The following TLCD1 variants were observed in gnomAD, a reference collection of about 807,000 sequenced individuals.
TLCD1 encodes TLC domain-containing protein 1.
A neutral mutation model predicts 21.2 loss-of-function variants in TLCD1; 21 were observed. That is an observed-to-expected ratio of 0.99 (90% CI 0.70 to 1.42). TLCD1 has a LOEUF of 1.42. Ranked by LOEUF, TLCD1 falls within the 40% of genes most tolerant of loss-of-function variation. The pLI is 0.00. For synonymous variants in TLCD1, 168 were observed against 134.8 expected, an observed-to-expected ratio of 1.25 and a Z score of -1.71; for missense variants, 344 against 330.3, an observed-to-expected ratio of 1.04 and a Z score of -0.32.
chr17:28,726,980 G>A (rs1164650702), upstream of TLCD1: 7 of 660,892 alleles, frequency 1.1e-5, no homozygotes, highest in African/African-American at 1.3e-4. Context: ...GCTTGCAGCA[G>A]TTGCGGCTCC....
chr17:28,724,588 A>G lies in TLCD1; in HGVS notation c.666T>C (p.Phe222=), dbSNP rs140701178. ...LMLDVMIIIY[F]SRLLRSDFCP... is the part of the protein sequence containing the mutation. ...AGAAGTCAGAGCGGAGGAGGCGGGA[A>G]AAGTAGATTATGATCATCACGTCCA... Residue 222 remains phenylalanine (F), a synonymous_variant, in exon 4 of 4, where the codon TTT becomes TTC. Transcript: ENST00000292090. The G allele has an allele frequency of 3.7e-6, 6 of 1,614,126 alleles. No homozygotes were observed. The African/African-American group carries it at 8.0e-5, about 22-fold the overall frequency.
Position 28,724,417 on chromosome 17 carries a change from TCA to T in TLCD1, c.*91_*92del. On this transcript the variant is annotated 3_prime_UTR_variant, in exon 4 of 4. Transcript: ENST00000292090. ...GGCTCAGAAGGTGGAGAGGCTGGCC[TCA>T]GAGGACACCCAGGCTTGGGGCTAAG... 6.7e-7 allele frequency: 1 copy of T among 1,499,090 alleles called. No homozygotes were observed. 92.9% of individuals were successfully genotyped at this position (1,499,090 alleles called of 1,614,324 possible). A position where few individuals can be genotyped will look rare whatever the true frequency, so the allele number is the denominator to read the frequency against.
intron 3 of TLCD1, 91 bp downstream of exon 3, chr17:28,725,213 A>C: frequency 6.8e-7 from 1 of 1,464,548 alleles, no homozygotes; most frequent in Non-Finnish European, 9.5e-7. Context: ...GGGTGGTAAG[A>C]AAACACGGCC....
At position 28,724,744 on chromosome 17, in the gene TLCD1, A is replaced by G. The variant is rs1567754531; in HGVS notation, c.510T>C (p.Val170=). The G allele has an allele frequency of 6.2e-7, 1 of 1,614,166 alleles. No homozygotes were observed. The highest frequency in any genetic ancestry group is 8.5e-7 in the Non-Finnish European group (1 of 1,180,048). Residue 170 remains valine (V), a synonymous_variant, in exon 4 of 4, where the codon GTT becomes GTC. Transcript: ENST00000292090. ...ACATGACCAGGTTCACATACTTGTT[A>G]ACCCGGTAGAGGAGATGATCCTGGG... ...SNAQDHLLYR[V]NKYVNLVMYF...
chr17:28,725,624 G>C, intron 1 of TLCD1, 61 bp from the exon 2 acceptor site: 1 of 1,558,724 alleles, frequency 6.4e-7, no homozygotes, highest in Non-Finnish European at 8.8e-7. Flanking sequence ...TCAACTTCTC[G>C]GTTACCCTTC....
rs1466800837 is a variant in TLCD1, at chr17:28,725,700, AC to A, written c.195-138del. ...GGGAAGCTAAGAGTGGCTGGGCAAA[AC>A]CCAAGAGCCTCCAGTTTCCCAGGGG... On this transcript the variant is annotated intron_variant, in intron 1 of 3. Transcript: ENST00000292090. 3 of 1,169,080 alleles carry A rather than the reference AC, an allele frequency of 2.6e-6. No homozygotes were observed. In the East Asian group the frequency reaches 7.6e-5, roughly 30 times the overall value. The allele number at this position is 1,169,080 out of a possible 1,614,324, so 72.4% of individuals were successfully genotyped here. A position where few individuals can be genotyped will look rare whatever the true frequency, so the allele number is the denominator to read the frequency against.
Position 28,726,146 on chromosome 17 carries a change from C to G in TLCD1, c.-49G>C, listed in dbSNP as rs1197637008. 1 of 1,406,174 alleles carries G rather than the reference C, an allele frequency of 7.1e-7. No homozygotes were observed. The highest frequency in any genetic ancestry group is 9.2e-7 in the Non-Finnish European group (1 of 1,091,250). 87.1% of individuals were successfully genotyped at this position (1,406,174 alleles called of 1,614,324 possible). On this transcript the variant is annotated 5_prime_UTR_variant, in exon 1 of 4. Transcript: ENST00000292090. ...CTCGAGGCCGCCTCCTAGGTCTGTT[C>G]TGGGAACCGGGATCCCTCTCGGGCC...
At chr17:28,724,927 C>G in intron 3 of TLCD1, 34 bp from the exon 4 acceptor site, 3 of 1,582,412 alleles carry the variant, frequency 1.9e-6, no homozygotes, top group Non-Finnish European at 2.6e-6. Flanking sequence ...TTAGGGAACC[C>G]AGATGCAGAC....
upstream of TLCD1, chr17:28,726,678 G>T (rs1014945781): frequency 7.1e-7 from 1 of 1,416,212 alleles, no homozygotes; most frequent in Non-Finnish European, 9.7e-7. Context: ...GGAGCCCCGC[G>T]TCCGACAGTG....
At position 28,725,393 on chromosome 17, in the gene TLCD1, G is replaced by A. The variant is rs746243367; in HGVS notation, c.278-7C>T. The A allele has an allele frequency of 6.2e-7, 1 of 1,614,202 alleles. No individual in the cohort carries two copies. The highest frequency in any genetic ancestry group is 1.7e-5 in the Admixed American group (1 of 60,024). ...GTATCGTGGATGAAATACCCTAGTG[G>A]AGGGATGGGGCAAGAGATCATGAAC... On this transcript the variant is annotated splice_region_variant and splice_polypyrimidine_tract_variant and intron_variant, in intron 2 of 3. Transcript: ENST00000292090.
chr17:28,727,275 G>A (rs2034247293), upstream of TLCD1: 2 of 197,454 alleles, frequency 1.0e-5, no homozygotes, highest in Non-Finnish European at 2.1e-5. Flanking sequence ...CCGTTTGAGT[G>A]TTTTCCTCCC....
intron 1 of TLCD1, among the ~76,000 whole-genome samples, 169 bp from the exon 2 acceptor site, chr17:28,725,732 C>T (rs1438887293): frequency 6.6e-6 from 1 of 152,214 alleles, no homozygotes; most frequent in African/African-American, 2.4e-5. Context: ...AGGGGCGATC[C>T]CCCTCCCCTG....
upstream of TLCD1, chr17:28,726,678 G>C (rs1014945781): frequency 4.9e-6 from 7 of 1,416,100 alleles, no homozygotes; most frequent in South Asian, 6.1e-5. Flanking sequence ...GGAGCCCCGC[G>C]TCCGACAGTG....
upstream of TLCD1, chr17:28,727,135 G>A: frequency 2.8e-6 from 1 of 359,038 alleles, no homozygotes; most frequent in Non-Finnish European, 5.3e-6. Context: ...AAGTTAAGCG[G>A]AGATGAGAGC....
At chr17:28,727,329 G>A (rs2034248089), upstream of TLCD1, 1 of 158,448 alleles carries the variant, frequency 6.3e-6, no homozygotes. Flanking sequence ...GGACTCTTAA[G>A]TCAACCAAAG....
upstream of TLCD1, chr17:28,726,636 GC>G: frequency 1.1e-6 from 1 of 941,838 alleles, no homozygotes; most frequent in African/African-American, 1.6e-5. Context: ...ACACGCCCAC[GC>G]CCCCTAAGTC....
intron 1 of TLCD1, 38 bp from the exon 2 acceptor site, chr17:28,725,601 C>G (rs1567755455): frequency 6.3e-7 from 1 of 1,598,784 alleles, no homozygotes; most frequent in East Asian, 2.2e-5. Flanking sequence ...CATTTCGGCA[C>G]CCTCAAGGAC....
chr17:28,725,133 C>T (rs990304212), intron 3 of TLCD1, among the ~76,000 whole-genome samples, 171 bp downstream of exon 3: 1 of 152,104 alleles, frequency 6.6e-6, no homozygotes, highest in Non-Finnish European at 1.5e-5. Flanking sequence ...GGGTTGCTGG[C>T]CTCAGTGAAC....
At chr17:28,725,656 C>G in intron 1 of TLCD1, 93 bp from the exon 2 acceptor site, 2 of 1,401,950 alleles carry the variant, frequency 1.4e-6, no homozygotes, top group Non-Finnish European at 2.0e-6. Flanking sequence ...GGATCCTGGG[C>G]TCGCGCTAGT....
Sources: allele counts gnomAD v4.1 joint callset (sites outside exome capture counted in the v4.1 genomes callset), GRCh38; gene constraint gnomAD v4.1.1; transcripts MANE v1.5; gene names NCBI Gene and HGNC (gene_info 2026-07-23, HGNC 2026-07-21).